The following CD96 variants were observed in gnomAD, a reference collection of about 807,000 sequenced individuals.
The protein encoded by CD96 is CD96 molecule.
Under a neutral mutation model 71.3 loss-of-function variants are expected in CD96, and 70 were observed. The observed-to-expected ratio is 0.98, with a 90% CI of 0.81 to 1.20. The LOEUF is 1.20. CD96 is among the 50% of genes most tolerant of loss of function. The pLI, the probability that CD96 is intolerant of heterozygous loss-of-function variation, is 0.00. For synonymous variants in CD96, 248 were observed against 233.0 expected, an observed-to-expected ratio of 1.06 and a Z score of -0.59; for missense variants, 742 against 677.5, an observed-to-expected ratio of 1.10 and a Z score of -1.06.
At chr3:111,580,965 A>G (rs898450187) in intron 4 of CD96, among the ~76,000 whole-genome samples, 1 of 152,222 alleles carries the variant, frequency 6.6e-6, no homozygotes, top group Admixed American at 6.5e-5. Flanking sequence ...TGTGTCCCCT[A>G]TTGATCAAGA....
downstream of CD96, among the ~76,000 whole-genome samples, chr3:111,653,552 A>G (rs1426033141): frequency 6.6e-6 from 1 of 152,240 alleles, no homozygotes; most frequent in Non-Finnish European, 1.5e-5. Flanking sequence ...ATCATAGAAC[A>G]TTTGACCAGG....
At chr3:111,619,878 CCA>C (rs1206600288) in intron 8 of CD96, among the ~76,000 whole-genome samples, 3 of 152,218 alleles carry the variant, frequency 2.0e-5, no homozygotes, top group Non-Finnish European at 4.4e-5. Flanking sequence ...GCACACTGTG[CCA>C]CAGTTTGGTC....
chr3:111,641,942 C>T (rs376662431), intron 12 of CD96, among the ~76,000 whole-genome samples: 9 of 152,104 alleles, frequency 5.9e-5, no homozygotes, highest in East Asian at 1.9e-4. Context: ...AAAAATTCTT[C>T]GAACTGAATG....
At chr3:111,546,602 T>A (rs1934406633) in intron 2 of CD96, among the ~76,000 whole-genome samples, 1 of 151,902 alleles carries the variant, frequency 6.6e-6, no homozygotes, top group African/African-American at 2.4e-5. Flanking sequence ...TGGAAAACAA[T>A]GAAAGTGAAA....
intron 8 of CD96, among the ~76,000 whole-genome samples, chr3:111,620,556 A>G (rs1236993220): frequency 6.6e-6 from 1 of 152,226 alleles, no homozygotes; most frequent in Non-Finnish European, 1.5e-5. Flanking sequence ...AGGGGTCATT[A>G]TCCCAATAAC....
At position 111,606,721 on chromosome 3, in the gene CD96, A is replaced by C. The variant is rs761865731; in HGVS notation, c.1109A>C (p.Asp370Ala). The C allele has an allele frequency of 1.3e-6, 2 of 1,592,280 alleles. No individual in the cohort carries two copies. The highest frequency in any genetic ancestry group is 1.7e-6 in the Non-Finnish European group (2 of 1,160,196). ...TAAGGTTCTGAAATTTCCTCAACAGACCCTCCACTGAGTGTTACAGAATCT... is the reference window on the plus strand; with the variant it reads ...TAAGGTTCTGAAATTTCCTCAACAGCCCCTCCACTGAGTGTTACAGAATCT... ...FLLGSEISST[D>A]PPLSVTESTL... Residue 370 changes from aspartate to alanine, a missense_variant, in exon 8 of 14, where the codon GAC becomes GCC. Coordinates refer to ENST00000352690, the MANE Select transcript of CD96 (RefSeq NM_005816.5).
intron 3 of CD96, among the ~76,000 whole-genome samples, chr3:111,577,293 A>T (rs1424177172): frequency 6.6e-6 from 1 of 152,196 alleles, no homozygotes. Context: ...CTGACACACA[A>T]AAAAGCAAGA....
rs1939992240 is a variant in CD96, at chr3:111,649,705, A to T, written c.1609A>T (p.Arg537Ter). The T allele has an allele frequency of 6.2e-7, 1 of 1,610,668 alleles. No homozygotes were observed. Among genetic ancestry groups the T allele is most frequent in the African/African-American group, 1.3e-5 (1 of 74,880 alleles). ...CCAATATTTTGTTCCTAGAATGGAA[A>T]GACCTCCACCTTTCAAGCCACCACC... ...WCQYQKEIME[R>*]PPPFKPPPPP... The change falls in exon 14 of 14, where the codon AGA becomes TGA. Residue 537 changes from arginine to a stop codon, truncating the protein, a stop_gained. Transcript: ENST00000352690. LOFTEE classifies it high-confidence loss of function.
At chr3:111,588,595 T>A (rs1936823066) in intron 5 of CD96, among the ~76,000 whole-genome samples, 1 of 152,176 alleles carries the variant, frequency 6.6e-6, no homozygotes, top group Non-Finnish European at 1.5e-5. Flanking sequence ...ACTGTATTAG[T>A]CCATTTTCAT....
At chr3:111,621,786 G>C (rs766319236) in intron 8 of CD96, among the ~76,000 whole-genome samples, 15 of 152,126 alleles carry the variant, frequency 9.9e-5, no homozygotes, top group Non-Finnish European at 2.1e-4. Context: ...ACCCCTCCCC[G>C]CATCGTATTA....
chr3:111,572,901 C>T (rs1416739965), intron 3 of CD96, among the ~76,000 whole-genome samples: 1 of 152,184 alleles, frequency 6.6e-6, no homozygotes, highest in African/African-American at 2.4e-5. Context: ...ATGGGACAGA[C>T]TCTGCATTTT....
At position 111,646,129 on chromosome 3, in the gene CD96, T is replaced by C. The variant is rs547101615; in HGVS notation, c.1478-1414T>C. On this transcript the variant is annotated intron_variant, in intron 12 of 13. Coordinates refer to ENST00000352690, the MANE Select transcript of CD96 (RefSeq NM_005816.5). Reference sequence around the variant, plus strand: ...GATAGCTTTTTGCCCAAATGATCCATGTAATCGAAATACCTAAAGACCTAT... The same window carrying C: ...GATAGCTTTTTGCCCAAATGATCCACGTAATCGAAATACCTAAAGACCTAT... Among the ~76,000 whole-genome samples, 7 of 152,230 alleles carry C rather than the reference T, an allele frequency of 4.6e-5. No individual in the cohort carries two copies. The South Asian group carries it at 1.2e-3, about 27-fold the overall frequency.
intron 12 of CD96, among the ~76,000 whole-genome samples, chr3:111,639,566 G>C (rs1939498402): frequency 6.6e-6 from 1 of 152,138 alleles, no homozygotes; most frequent in Admixed American, 6.5e-5. Context: ...GAAAGACAAA[G>C]GGCATATAAT....
intron 7 of CD96, among the ~76,000 whole-genome samples, chr3:111,606,237 G>A (rs529405506): frequency 2.6e-5 from 4 of 152,128 alleles, no homozygotes; most frequent in African/African-American, 4.8e-5. Flanking sequence ...CATCCAATTG[G>A]GTAGTTGTAT....
Position 111,663,564 on chromosome 3 carries a change from A to G in CD96, c.*53-1963A>G, listed in dbSNP as rs139037365. On this transcript the variant is annotated intron_variant and NMD_transcript_variant, in intron 14 of 14. Coordinates refer to the CD96 transcript ENST00000494798. ...AAAAAAATGGACAAAGGATATGAAC[A>G]GACATTTCTCAAAAGAAGAGATACA... 5.1e-3 allele frequency among the ~76,000 whole-genome samples: 784 copies of G among 152,338 alleles called. 5 individuals are homozygous for G. The highest frequency in any genetic ancestry group is 0.017 in the African/African-American group (723 of 41,568).
intron 12 of CD96, among the ~76,000 whole-genome samples, chr3:111,645,378 T>A (rs1474838783): frequency 2.6e-5 from 4 of 151,940 alleles, no homozygotes; most frequent in African/African-American, 9.7e-5. Context: ...GAGGGAAGAA[T>A]GAGAGGGGGC....
At chr3:111,594,121 C>A in intron 5 of CD96, 26 of 1,614,146 alleles carry the variant, frequency 1.6e-5, no homozygotes, top group Non-Finnish European at 2.1e-5. Context: ...TCTCACTAAT[C>A]TCTTCCTCCT....
downstream of CD96, among the ~76,000 whole-genome samples, chr3:111,653,466 T>G (rs954672609): frequency 6.6e-6 from 1 of 152,248 alleles, no homozygotes; most frequent in African/African-American, 2.4e-5. Context: ...TTTCTTTGGT[T>G]CAGCATGAGT....
chr3:111,601,040 A>C (rs1937474509), intron 7 of CD96, 126 bp downstream of exon 7: 2 of 619,042 alleles, frequency 3.2e-6, no homozygotes, highest in East Asian at 5.6e-5. Context: ...ATGTAACTCA[A>C]AACTATTTCA....
Sources: gnomAD v4.1 joint callset for allele counts (sites outside exome capture counted in the v4.1 genomes callset) on GRCh38, gnomAD v4.1.1 for gene constraint, MANE v1.5 for transcripts, NCBI Gene and HGNC (gene_info 2026-07-23, HGNC 2026-07-21) for gene names.